MARS1: variants seen among roughly 807,000 people sequenced by gnomAD.
The protein encoded by MARS1 is methionine--tRNA ligase, cytoplasmic.
Under a neutral mutation model 119.5 loss-of-function variants are expected in MARS1, and 80 were observed. The observed-to-expected ratio is 0.67, with a 90% CI of 0.56 to 0.81. The LOEUF is 0.81. Among genes scored for constraint, MARS1 ranks in the 30% least tolerant of loss-of-function variants. MARS1 has a pLI of 0.00. For synonymous variants in MARS1, 418 were observed against 433.4 expected (o/e 0.96, Z 0.44); for missense variants, 945 against 1,116.5 (o/e 0.85, Z 2.19).
intron 11 of MARS1, among the ~76,000 whole-genome samples, chr12:57,511,140 A>AT (rs1555168125): frequency 6.0e-4 from 31 of 51,706 alleles, no homozygotes; most frequent in Admixed American, 2.2e-3. Context: ...ATTTTTAAAA[A>AT]TTAAAAAAAA....
In MARS1 at chr12:57,496,091, A is replaced by G. The variant is rs111987764; in HGVS notation, c.771-2066A>G. Among the ~76,000 whole-genome samples, 270 of 151,254 alleles carry G rather than the reference A, an allele frequency of 1.8e-3. 1 individual carries two copies. The highest frequency in any genetic ancestry group is 6.3e-3 in the African/African-American group (259 of 41,168). On this transcript the variant is annotated intron_variant, in intron 7 of 20. Coordinates refer to ENST00000262027, the MANE Select transcript of MARS1 (RefSeq NM_004990.4). ...ACTATGTTGGCTAGGCTGGTCTTGA[A>G]CTGACCTCATGATCCACTTGTCTCG...
At chr12:57,493,401 T>C (rs1334828333) in intron 7 of MARS1, among the ~76,000 whole-genome samples, 1 of 1,448 alleles carries the variant, frequency 6.9e-4, no homozygotes, top group South Asian at 0.017. Context: ...ATATATAATA[T>C]ATGTTATATA....
chr12:57,509,865 T>C (rs1443978962), intron 11 of MARS1, among the ~76,000 whole-genome samples: 7 of 152,228 alleles, frequency 4.6e-5, no homozygotes, highest in Admixed American at 4.6e-4. Context: ...ATTTACTTAT[T>C]AGCTCAATCC....
At position 57,488,209 on chromosome 12, in the gene MARS1, C is replaced by G. The variant is rs1382602523; in HGVS notation, c.109+10C>G. 4 of 1,604,196 alleles carry G rather than the reference C, an allele frequency of 2.5e-6. No homozygotes were observed. The highest frequency in any genetic ancestry group is 3.4e-6 in the Non-Finnish European group (4 of 1,172,386). On this transcript the variant is annotated intron_variant, in intron 1 of 20. Coordinates refer to ENST00000262027, the MANE Select transcript of MARS1 (RefSeq NM_004990.4). Reference sequence around the variant, plus strand: ...ACTGTAGGCCCGGAAGGTACTCGTGCTGGTGCTGGTGGGCGGTGGATGGGG... The same window carrying G: ...ACTGTAGGCCCGGAAGGTACTCGTGGTGGTGCTGGTGGGCGGTGGATGGGG...
Position 57,498,483 on chromosome 12 carries a change from A to C in MARS1, c.951A>C (p.Ala317=), listed in dbSNP as rs747337841. Reference sequence around the variant, plus strand: ...GTGGGACAGATGAGTATGGTACAGCAACAGAGACCAAGGCTCTGGAGGAGG... The same window carrying C: ...GTGGGACAGATGAGTATGGTACAGCCACAGAGACCAAGGCTCTGGAGGAGG... ...YLCGTDEYGT[A]TETKALEEGL... is the part of the protein sequence containing the mutation. The change falls in exon 9 of 21, where the codon GCA becomes GCC. Residue 317 remains alanine (A), a synonymous_variant. Coordinates refer to ENST00000262027, the MANE Select transcript of MARS1 (RefSeq NM_004990.4). The C allele has an allele frequency of 9.9e-6, 16 of 1,614,086 alleles. No homozygotes were observed. The highest frequency in any genetic ancestry group is 1.4e-5 in the Non-Finnish European group (16 of 1,180,042).
Position 57,489,089 on chromosome 12 carries a change from C to T in MARS1, c.180C>T (p.Phe60=), listed in dbSNP as rs148642961. The T allele has an allele frequency of 1.2e-6, 2 of 1,614,058 alleles. No homozygotes were observed. The highest frequency in any genetic ancestry group is 1.7e-6 in the Non-Finnish European group (2 of 1,180,030). Reference sequence around the variant, plus strand: ...AGCTGGATAGCGGCAACTACCTCTTCTCCACTAGTGCAATCTGCCGGTCAG... The same window carrying T: ...AGCTGGATAGCGGCAACTACCTCTTTTCCACTAGTGCAATCTGCCGGTCAG... The part of the protein sequence containing the change: ...VLQLDSGNYL[F]STSAICRYFF... Residue 60 remains phenylalanine, a synonymous_variant, in exon 2 of 21, where the codon TTC becomes TTT. Transcript: ENST00000262027.
intron 11 of MARS1, 41 bp downstream of exon 11, chr12:57,504,340 C>A (rs1047321200): frequency 2.0e-6 from 3 of 1,496,994 alleles, no homozygotes; most frequent in Non-Finnish European, 2.8e-6. Flanking sequence ...CAGGAGGCCT[C>A]TTCTGTCCCC....
At position 57,490,621 on chromosome 12, in the gene MARS1, G is replaced by A. The variant is rs200490364; in HGVS notation, c.747G>A (p.Pro249=). 3.5e-5 allele frequency: 56 copies of A among 1,613,920 alleles called. No individual in the cohort carries two copies. Among genetic ancestry groups the A allele is most frequent in the Middle Eastern group, 1.6e-4 (1 of 6,082 alleles). The change falls in exon 7 of 21, where the codon CCG becomes CCA. Residue 249 remains proline (P), a synonymous_variant. Transcript: ENST00000262027. ...AWEKGLESLP[P]LRPQQNPVLP... The stretch of plus-strand genomic sequence containing the variant: ...AGAAGGGCCTAGAAAGTTTGCCCCC[G>A]CTGCGGCCCCAGCAGAATCCAGTGT...
At chr12:57,503,959 C>T (rs2140023632) in intron 10 of MARS1, 1 of 482,106 alleles carries the variant, frequency 2.1e-6, no homozygotes, top group South Asian at 2.3e-5. Flanking sequence ...GTGCAGTGCT[C>T]TGTACCTAGC....
chr12:57,511,142 TAAA>T (rs368042156), intron 11 of MARS1, among the ~76,000 whole-genome samples: 5 of 148,950 alleles, frequency 3.4e-5, no homozygotes, highest in African/African-American at 4.9e-5. Flanking sequence ...TTTTAAAAAT[TAAA>T]AAAAAAAAAA....
intron 10 of MARS1, among the ~76,000 whole-genome samples, chr12:57,503,791 C>T (rs928785501): frequency 1.2e-4 from 18 of 152,132 alleles, no homozygotes; most frequent in African/African-American, 3.4e-4. Context: ...CCGCCTGCCT[C>T]GGCCTCCCAA....
At chr12:57,493,295 T>C (rs1876087099) in intron 7 of MARS1, among the ~76,000 whole-genome samples, 1 of 109,854 alleles carries the variant, frequency 9.1e-6, no homozygotes, top group Non-Finnish European at 1.7e-5. Flanking sequence ...GTTTTGAGTA[T>C]ATATATATAA....
At chr12:57,488,953 A>G (rs1325725386) in intron 1 of MARS1, 66 bp from the exon 2 acceptor site, 2 of 1,259,208 alleles carry the variant, frequency 1.6e-6, no homozygotes, top group East Asian at 2.3e-5. Flanking sequence ...AGGTTATCCT[A>G]AGTTGACAAA....
intron 7 of MARS1, among the ~76,000 whole-genome samples, chr12:57,493,987 G>A (rs1876442737): frequency 2.5e-5 from 3 of 119,230 alleles, no homozygotes; most frequent in South Asian, 2.5e-4. Context: ...ACAGAGTTTC[G>A]CCTTGTCATC....
Position 57,498,163 on chromosome 12 carries a change from T to G in MARS1, c.777T>G (p.Pro259=). Residue 259 remains proline, a synonymous_variant, in exon 8 of 21, where the codon CCT becomes CCG. Coordinates refer to ENST00000262027, the MANE Select transcript of MARS1 (RefSeq NM_004990.4). ...CTTCCTCTTTCCTTACTAGGTTGCCTGTGGCTGGAGAAAGGAATGTGCTCA... is the reference window on the plus strand; with the variant it reads ...CTTCCTCTTTCCTTACTAGGTTGCCGGTGGCTGGAGAAAGGAATGTGCTCA... The part of the protein sequence containing the change: ...PLRPQQNPVL[P]VAGERNVLIT... The G allele has an allele frequency of 6.2e-7, 1 of 1,611,964 alleles. No individual in the cohort carries two copies. The highest frequency in any genetic ancestry group is 8.5e-7 in the Non-Finnish European group (1 of 1,177,986).
chr12:57,495,251 C>T (rs1329025154), intron 7 of MARS1, among the ~76,000 whole-genome samples: 18 of 150,960 alleles, frequency 1.2e-4, no homozygotes, highest in Admixed American at 1.3e-4. Flanking sequence ...GGGCGGCTGG[C>T]GGGGCGGGGG....
rs1042415171 is a variant in MARS1, at chr12:57,514,778, C to T, written c.2026C>T (p.Pro676Ser). Residue 676 changes from proline to serine, a missense_variant, in exon 16 of 21, where the codon CCT becomes TCT. Transcript: ENST00000262027. ...CTATGTGCCTGAGATGGTGCTCACCCCTGATGATCAGCGCCTGCTGGCCCA... is the reference window on the plus strand; with the variant it reads ...CTATGTGCCTGAGATGGTGCTCACCTCTGATGATCAGCGCCTGCTGGCCCA... ...GGYVPEMVLT[P>S]DDQRLLAHVT... is the part of the protein sequence containing the mutation. 6.2e-7 allele frequency: 1 copy of T among 1,614,210 alleles called. No homozygotes were observed. The highest frequency in any genetic ancestry group is 8.5e-7 in the Non-Finnish European group (1 of 1,180,034).
At chr12:57,514,412 C>T (rs758611254) in intron 15 of MARS1, among the ~76,000 whole-genome samples, 3 of 152,218 alleles carry the variant, frequency 2.0e-5, no homozygotes, top group South Asian at 2.1e-4. Flanking sequence ...CTGCCCACCT[C>T]GGCCTCCCAG....
intron 11 of MARS1, among the ~76,000 whole-genome samples, chr12:57,510,680 C>T (rs1169832096): frequency 6.6e-6 from 1 of 151,658 alleles, no homozygotes; most frequent in Non-Finnish European, 1.5e-5. Flanking sequence ...CCTGTAATTC[C>T]AGCACTTTGG....
Sources: gnomAD v4.1 joint callset for allele counts (sites outside exome capture counted in the v4.1 genomes callset) on GRCh38, gnomAD v4.1.1 for gene constraint, MANE v1.5 for transcripts, NCBI Gene and HGNC (gene_info 2026-07-23, HGNC 2026-07-21) for gene names.